Variants in SCTR observed in about 807,000 individuals in gnomAD.
The protein encoded by SCTR is secretin receptor, also known as pancreatic secretin receptor.
A neutral mutation model predicts 60.8 loss-of-function variants in SCTR; 56 were observed. That is an observed-to-expected ratio of 0.92 (90% CI 0.74 to 1.15). SCTR has a LOEUF of 1.15. SCTR is among the 50% of genes most tolerant of loss of function. The pLI is 0.00. For synonymous variants in SCTR, 202 were observed against 217.0 expected, an observed-to-expected ratio of 0.93 and a Z score of 0.61; for missense variants, 562 against 550.4, an observed-to-expected ratio of 1.02 and a Z score of -0.21.
At chr2:119,464,847 G>C (rs1683765627) in intron 5 of SCTR, among the ~76,000 whole-genome samples, 1 of 152,202 alleles carries the variant, frequency 6.6e-6, no homozygotes, top group South Asian at 2.1e-4. Context: ...AACCAGAACG[G>C]GAGAGGGCTA....
At chr2:119,518,108 G>C (rs753248810) in intron 1 of SCTR, among the ~76,000 whole-genome samples, 4 of 152,138 alleles carry the variant, frequency 2.6e-5, no homozygotes, top group Non-Finnish European at 5.9e-5. Flanking sequence ...CCCCACCAGA[G>C]ACCAAACCCT....
chr2:119,454,274 T>C (rs1279008449), intron 7 of SCTR, among the ~76,000 whole-genome samples: 7 of 152,016 alleles, frequency 4.6e-5, no homozygotes, highest in Non-Finnish European at 1.0e-4. Context: ...TGGTTTGAAG[T>C]CTGGATAAGA....
Position 119,462,010 on chromosome 2 carries a change from G to C in SCTR, c.637-10C>G. On this transcript the variant is annotated splice_polypyrimidine_tract_variant and intron_variant, in intron 6 of 12. Coordinates refer to ENST00000019103, the MANE Select transcript of SCTR (RefSeq NM_002980.3). ...CCAGCTTGCAGCCCGCCTGGAGAGA[G>C]AGAGGCAGCTGAACCCAGGCCGGGT... 6.3e-7 allele frequency: 1 copy of C among 1,592,146 alleles called. No individual in the cohort carries two copies. The highest frequency in any genetic ancestry group is 8.6e-7 in the Non-Finnish European group (1 of 1,167,872).
chr2:119,446,907 A>G (rs755540568), intron 10 of SCTR, 22 bp from the exon 11 acceptor site: 87 of 1,461,602 alleles, frequency 6.0e-5, no homozygotes, highest in Non-Finnish European at 7.5e-5. Context: ...GAAAGCCTGT[A>G]GCCTCCACTC....
intron 2 of SCTR, among the ~76,000 whole-genome samples, chr2:119,489,812 G>A (rs1458890933): frequency 6.6e-6 from 1 of 152,196 alleles, no homozygotes; most frequent in African/African-American, 2.4e-5. Flanking sequence ...GATGTGGACA[G>A]GGGCCAAGTC....
chr2:119,446,252 TGC>T (rs1682920601), intron 11 of SCTR, among the ~76,000 whole-genome samples: 1 of 152,150 alleles, frequency 6.6e-6, no homozygotes, highest in Non-Finnish European at 1.5e-5. Flanking sequence ...TTTCCTCACA[TGC>T]GACTGCTCCT....
rs1202780214 is a variant in SCTR, at chr2:119,524,092, C to A, written c.72+63G>T. The A allele has an allele frequency of 5.2e-6, 7 of 1,347,944 alleles. No individual in the cohort carries two copies. The East Asian group carries it at 1.8e-4, about 35-fold the overall frequency. The allele number at this position is 1,347,944 out of a possible 1,614,324, so 83.5% of individuals were successfully genotyped here. ...TCTCCACCTGCATCCTGCCCGAGGCCGGAGAAAGGGCGAGACTGTCGCTCC... is the reference window on the plus strand; with the variant it reads ...TCTCCACCTGCATCCTGCCCGAGGCAGGAGAAAGGGCGAGACTGTCGCTCC... On this transcript the variant is annotated intron_variant, in intron 1 of 12. Coordinates refer to ENST00000019103, the MANE Select transcript of SCTR (RefSeq NM_002980.3).
At chr2:119,490,359 C>A (rs1678067633) in intron 2 of SCTR, among the ~76,000 whole-genome samples, 1 of 152,226 alleles carries the variant, frequency 6.6e-6, no homozygotes, top group African/African-American at 2.4e-5. Flanking sequence ...CTGCTTCCAG[C>A]TGCTCCTGAC....
At chr2:119,446,401 C>G (rs952140930) in intron 11 of SCTR, among the ~76,000 whole-genome samples, 3 of 152,296 alleles carry the variant, frequency 2.0e-5, no homozygotes, top group Non-Finnish European at 1.5e-5. Flanking sequence ...CCCACGCTCC[C>G]GCGAGGCTCA....
At chr2:119,462,733 C>G (rs370813707) in intron 6 of SCTR, among the ~76,000 whole-genome samples, 294 of 152,184 alleles carry the variant, frequency 1.9e-3, no homozygotes, top group African/African-American at 6.8e-3. Flanking sequence ...GGACAGCTCC[C>G]GGGATAGCCG....
intron 7 of SCTR, among the ~76,000 whole-genome samples, chr2:119,458,310 A>T (rs1048466832): frequency 8.6e-5 from 13 of 151,226 alleles, no homozygotes; most frequent in African/African-American, 3.2e-4. Flanking sequence ...TATCTTGAAA[A>T]AAAAAAAAAA....
chr2:119,523,159 C>T lies in SCTR; in HGVS notation c.72+996G>A, dbSNP rs74795193. 5.0e-3 allele frequency among the ~76,000 whole-genome samples: 756 copies of T among 152,132 alleles called. 7 individuals carry two copies. The highest frequency in any genetic ancestry group is 0.018 in the African/African-American group (732 of 41,496). ...AGAGACTCAGTTGGGTCCCCAAGCG[C>T]GTTCCCTGGGGAGCTTCTTGGAAGA... On this transcript the variant is annotated intron_variant, in intron 1 of 12. Coordinates refer to ENST00000019103, the MANE Select transcript of SCTR (RefSeq NM_002980.3).
chr2:119,452,921 G>A (rs73951105), intron 8 of SCTR, among the ~76,000 whole-genome samples: 118 of 152,200 alleles, frequency 7.8e-4, no homozygotes, highest in African/African-American at 2.6e-3. Flanking sequence ...AACACCCAGG[G>A]GTAGAGAGGC....
chr2:119,462,006 G>C lies in SCTR; in HGVS notation c.637-6C>G. 2 of 1,596,172 alleles carry C rather than the reference G, an allele frequency of 1.3e-6. No individual in the cohort carries two copies. Among genetic ancestry groups the C allele is most frequent in the Non-Finnish European group, 1.7e-6 (2 of 1,170,340 alleles). ...ATGACCAGCTTGCAGCCCGCCTGGA[G>C]AGAGAGAGGCAGCTGAACCCAGGCC... On this transcript the variant is annotated splice_polypyrimidine_tract_variant and splice_region_variant and intron_variant, in intron 6 of 12. Transcript: ENST00000019103.
chr2:119,448,192 G>C (rs567308194), intron 10 of SCTR, among the ~76,000 whole-genome samples: 1 of 152,346 alleles, frequency 6.6e-6, no homozygotes, highest in South Asian at 2.1e-4. Flanking sequence ...TCAGCCTCCA[G>C]AACTCTGAGA....
chr2:119,514,472 T>A (rs1384852884), intron 1 of SCTR, among the ~76,000 whole-genome samples: 1 of 152,066 alleles, frequency 6.6e-6, no homozygotes, highest in Non-Finnish European at 1.5e-5. Flanking sequence ...AAGACACAAA[T>A]AAGAGAGAAA....
intron 1 of SCTR, 55 bp downstream of exon 1, chr2:119,524,100 G>A: frequency 7.1e-7 from 1 of 1,417,274 alleles, no homozygotes; most frequent in African/African-American, 1.4e-5. Flanking sequence ...GCCGGAGAAA[G>A]GGCGAGACTG....
intron 3 of SCTR, among the ~76,000 whole-genome samples, chr2:119,477,741 G>A (rs947912864): frequency 1.9e-4 from 29 of 152,184 alleles, no homozygotes; most frequent in Non-Finnish European, 4.3e-4. Flanking sequence ...GTGAGCCACC[G>A]CACCCAGCCT....
In SCTR at chr2:119,494,472, G is replaced by C. The variant is rs760131960; in HGVS notation, c.149C>G (p.Ser50Cys). ...GCCCAGGTCTCCTGTCTGCTCTCTG[G>C]AGAGTTCCTGCAGGCACTGGTCTTG... ...EEQDQCLQEL[S>C]REQTGDLGTE... Residue 50 changes from serine (S) to cysteine (C), a missense_variant, in exon 2 of 13, where the codon TCC becomes TGC. By Grantham distance (112) the Ser-to-Cys change is moderately radical (BLOSUM62 -1). Coordinates refer to ENST00000019103, the MANE Select transcript of SCTR (RefSeq NM_002980.3). The C allele has an allele frequency of 1.5e-5, 24 of 1,613,910 alleles. No homozygotes were observed. The highest frequency in any genetic ancestry group is 1.9e-5 in the Non-Finnish European group (23 of 1,179,954).
Sources: gnomAD v4.1 joint callset for allele counts (sites outside exome capture counted in the v4.1 genomes callset) on GRCh38, gnomAD v4.1.1 for gene constraint, MANE v1.5 for transcripts, NCBI Gene and HGNC (gene_info 2026-07-23, HGNC 2026-07-21) for gene names.